PEBP4: variants seen among roughly 807,000 people sequenced by gnomAD.
PEBP4 encodes the protein phosphatidylethanolamine-binding protein 4.
PEBP4 carries 22 observed loss-of-function variants against 23.9 expected under a neutral mutation model. The ratio of observed to expected loss-of-function variants is 0.92; its 90% CI spans 0.66 to 1.31. The LOEUF (loss-of-function observed/expected upper bound fraction) is 1.31, where lower values mean the gene tolerates loss of function less well. Among genes scored for constraint, PEBP4 ranks in the 40% most tolerant of loss-of-function variants. The pLI, the probability that PEBP4 is intolerant of heterozygous loss-of-function variation, is 0.00. For missense variants in PEBP4, 324 were observed against 281.7 expected, an observed-to-expected ratio of 1.15 and a Z score of -1.07; for synonymous variants, 112 against 99.3, an observed-to-expected ratio of 1.13 and a Z score of -0.76.
At chr8:22,728,555 TCTTTCTTCCTTC>T (rs1440659518) in intron 4 of PEBP4, among the ~76,000 whole-genome samples, 160 of 69,470 alleles carry the variant, frequency 2.3e-3, no homozygotes, top group Admixed American at 9.1e-3. Flanking sequence ...TTTCTTTCTT[TCTTTCTTCCTTC>T]CTTCCTTCCT....
chr8:22,885,754 C>A (rs1268874239), intron 3 of PEBP4: 2 of 152,210 alleles, frequency 1.3e-5, no homozygotes, highest in African/African-American at 4.8e-5. Context: ...CTCATGCATG[C>A]AGATGAATAC....
chr8:22,754,867 G>A (rs1196133688), intron 4 of PEBP4: 2 of 152,304 alleles, frequency 1.3e-5, no homozygotes, highest in Non-Finnish European at 2.9e-5. Context: ...CCCTGGGTGA[G>A]TCAGTTCTCC....
In PEBP4 at chr8:22,867,496, G is replaced by A. The variant is rs915804427; in HGVS notation, c.259-49761C>T. ...TTAAAGCACTAGATTTTCAGGTTGCGGAAGGCAGGTCTTGTCCTCCACACC... is the reference window on the plus strand; with the variant it reads ...TTAAAGCACTAGATTTTCAGGTTGCAGAAGGCAGGTCTTGTCCTCCACACC... On this transcript the variant is annotated intron_variant, in intron 3 of 6. Coordinates refer to ENST00000256404, the MANE Select transcript of PEBP4 (RefSeq NM_144962.3). Among the ~76,000 whole-genome samples, 15 of 152,214 alleles carry A rather than the reference G, an allele frequency of 9.9e-5. 1 individual carries two copies. In the South Asian group the frequency reaches 2.9e-3, roughly 30 times the overall value.
chr8:22,865,591 G>T lies in PEBP4; in HGVS notation c.259-47856C>A, dbSNP rs1395320366. Among the ~76,000 whole-genome samples, 1 of 152,210 alleles carries T rather than the reference G, an allele frequency of 6.6e-6. No individual in the cohort carries two copies. Among genetic ancestry groups the T allele is most frequent in the Non-Finnish European group, 1.5e-5 (1 of 68,024 alleles). On this transcript the variant is annotated intron_variant, in intron 3 of 6. Transcript: ENST00000256404. The surrounding 1 kb of genome is among the most constrained non-coding windows in gnomAD (Gnocchi z 6.9). The stretch of plus-strand genomic sequence containing the variant: ...GCCGGGGAAGGAATTCCCTCCGCCC[G>T]GGCGCACGCGGCCCCCCGCCCCCGC...
At chr8:22,933,204 AGGGAAAAG>A (rs1809487431) in intron 1 of PEBP4, among the ~76,000 whole-genome samples, 1 of 152,084 alleles carries the variant, frequency 6.6e-6, no homozygotes, top group Non-Finnish European at 1.5e-5. Context: ...GCTTTGCCTA[AGGGAAAAG>A]GGGAAGCATT....
intron 3 of PEBP4, among the ~76,000 whole-genome samples, chr8:22,857,527 T>C (rs1284784176): frequency 6.6e-6 from 1 of 152,138 alleles, no homozygotes; most frequent in African/African-American, 2.4e-5. Context: ...AGAACTGGAA[T>C]TGGAAGCTAA....
intron 2 of PEBP4, 24 bp downstream of exon 2, chr8:22,927,560 G>A (rs373579924): frequency 6.3e-5 from 100 of 1,597,296 alleles, no homozygotes; most frequent in African/African-American, 1.1e-4. Context: ...TGTGCCTCCC[G>A]CCTCCAAGCC....
chr8:22,789,826 C>T (rs1477622582), intron 4 of PEBP4, among the ~76,000 whole-genome samples: 1 of 152,248 alleles, frequency 6.6e-6, no homozygotes, highest in African/African-American at 2.4e-5. Flanking sequence ...GCTAACCCTC[C>T]AATGCAAAGA....
chr8:22,837,604 CCACA>C (rs1563232459), intron 3 of PEBP4, among the ~76,000 whole-genome samples: 2 of 152,276 alleles, frequency 1.3e-5, no homozygotes, highest in African/African-American at 4.8e-5. Context: ...ATACACATGC[CCACA>C]CAGACGGAGG....
At chr8:22,922,877 T>C (rs577045064) in intron 2 of PEBP4, among the ~76,000 whole-genome samples, 2 of 152,284 alleles carry the variant, frequency 1.3e-5, no homozygotes, top group Non-Finnish European at 2.9e-5. Context: ...TTGAAGGCAC[T>C]CTAGACAGTG....
intron 4 of PEBP4, among the ~76,000 whole-genome samples, chr8:22,791,558 G>C (rs532825632): frequency 1.3e-5 from 2 of 151,696 alleles, no homozygotes; most frequent in Non-Finnish European, 2.9e-5. Flanking sequence ...GCGTTCGCGC[G>C]TGCTTGTGTG....
chr8:22,852,151 T>G (rs1396102368), intron 3 of PEBP4, among the ~76,000 whole-genome samples: 1 of 152,108 alleles, frequency 6.6e-6, no homozygotes, highest in Non-Finnish European at 1.5e-5. Context: ...CAGTTTTTAT[T>G]GGGAATCCCA....
chr8:22,884,639 C>G (rs1451270245), intron 3 of PEBP4: 1 of 152,258 alleles, frequency 6.6e-6, no homozygotes, highest in Admixed American at 6.5e-5. Context: ...GCATCCACCC[C>G]CTTGACAAAG....
chr8:22,787,775 G>A (rs893091394), intron 4 of PEBP4, among the ~76,000 whole-genome samples: 16 of 152,150 alleles, frequency 1.1e-4, no homozygotes, highest in Non-Finnish European at 2.2e-4. Context: ...TCCCTGATGG[G>A]GAATGTGGGA....
chr8:22,864,923 C>T (rs1807854739), intron 3 of PEBP4, among the ~76,000 whole-genome samples: 1 of 152,114 alleles, frequency 6.6e-6, no homozygotes, highest in Non-Finnish European at 1.5e-5. Context: ...GGACCCAGGG[C>T]GGGATGGCGG....
rs943906429 is a variant in PEBP4 at position 22,775,023 on chromosome 8, C to G, written c.357+42614G>C. On this transcript the variant is annotated intron_variant, in intron 4 of 6. Coordinates refer to ENST00000256404, the MANE Select transcript of PEBP4 (RefSeq NM_144962.3). The surrounding 1 kb of genome is among the most constrained non-coding windows in gnomAD (Gnocchi z 4.8). ...TGGAGAGATGCCACAGGCCAAGGGG[C>G]AAAGTGGTATCTGTGGAGCTGAGAC... 6.6e-6 allele frequency among the ~76,000 whole-genome samples: 1 copy of G among 152,202 alleles called. No homozygotes were observed. Among genetic ancestry groups the G allele is most frequent in the African/African-American group, 2.4e-5 (1 of 41,434 alleles).
At chr8:22,755,406 G>C (rs1019773494) in intron 4 of PEBP4, among the ~76,000 whole-genome samples, 3 of 146,156 alleles carry the variant, frequency 2.1e-5, no homozygotes, top group Non-Finnish European at 4.5e-5. Context: ...CGTGATCTCG[G>C]CTCATTGCAA....
rs552711834 is a variant in PEBP4, at chr8:22,714,218, A to C, written c.518-682T>G. Reference sequence around the variant, plus strand: ...AGGGGGAGAAAACACAAGTGTGTACAGGGAGGCGCATCTTCTGGGGCAAGT... The same window carrying C: ...AGGGGGAGAAAACACAAGTGTGTACCGGGAGGCGCATCTTCTGGGGCAAGT... On this transcript the variant is annotated intron_variant, in intron 6 of 6. Coordinates refer to ENST00000256404, the MANE Select transcript of PEBP4 (RefSeq NM_144962.3). Among the ~76,000 whole-genome samples the C allele has an allele frequency of 2.6e-5, 4 of 152,296 alleles. No individual in the cohort carries two copies. In the East Asian group the frequency reaches 7.7e-4, roughly 29 times the overall value.
chr8:22,793,365 C>G (rs1025784931), intron 4 of PEBP4, among the ~76,000 whole-genome samples: 4 of 151,696 alleles, frequency 2.6e-5, no homozygotes, highest in Admixed American at 2.6e-4. Context: ...CTCCTGGGTT[C>G]AAGTGATTCT....
Sources: allele counts gnomAD v4.1 joint callset (sites outside exome capture counted in the v4.1 genomes callset), GRCh38; gene constraint gnomAD v4.1.1; non-coding constraint Gnocchi (gnomAD v3.1); transcripts MANE v1.5; gene names NCBI Gene and HGNC (gene_info 2026-07-23, HGNC 2026-07-21).